DUSP16: variants seen among roughly 807,000 people sequenced by gnomAD.
DUSP16 encodes dual specificity protein phosphatase 16.
DUSP16 carries 21 observed loss-of-function variants against 58.3 expected under a neutral mutation model. That is an observed-to-expected ratio of 0.36 (90% CI 0.26 to 0.52). The LOEUF is 0.52. Ranked by LOEUF, DUSP16 falls within the 20% of genes least tolerant of loss-of-function variation. The pLI, the probability that DUSP16 is intolerant of heterozygous loss-of-function variation, is 0.94. For missense variants in DUSP16, 726 were observed against 819.0 expected, an observed-to-expected ratio of 0.89 and a Z score of 1.39; for synonymous variants, 320 against 323.8, an observed-to-expected ratio of 0.99 and a Z score of 0.12.
intron 1 of DUSP16, among the ~76,000 whole-genome samples, chr12:12,548,538 A>G (rs1332713194): frequency 6.6e-6 from 1 of 151,516 alleles, no homozygotes; most frequent in African/African-American, 2.4e-5. Context: ...AAGCTGAGGA[A>G]AGAGAATCAC....
rs1280271361 is a variant in DUSP16, at chr12:12,562,787, G to T, written c.-1036C>A. Among the ~76,000 whole-genome samples the T allele has an allele frequency of 6.6e-6, 1 of 151,420 alleles. No individual in the cohort carries two copies. Among genetic ancestry groups the T allele is most frequent in the African/African-American group, 2.4e-5 (1 of 41,322 alleles). ...GCCCATCCCGCGGCCGCCCGAGCCC[G>T]GAGCGCGGCTCCGCGCCTCGTTCCG... On this transcript the variant is annotated 5_prime_UTR_variant, in exon 1 of 7. Transcript: ENST00000298573.
chr12:12,503,816 T>G (rs1943947108), intron 3 of DUSP16, among the ~76,000 whole-genome samples: 1 of 152,164 alleles, frequency 6.6e-6, no homozygotes, highest in Non-Finnish European at 1.5e-5. Flanking sequence ...GTCTAGTAAG[T>G]TTCCCCAAAC....
intron 1 of DUSP16, among the ~76,000 whole-genome samples, chr12:12,550,940 A>G (rs1356451619): frequency 6.6e-6 from 1 of 152,116 alleles, no homozygotes; most frequent in Non-Finnish European, 1.5e-5. Context: ...AAAATAATAA[A>G]AGGTATTAAT....
At position 12,500,563 on chromosome 12, in the gene DUSP16, G is replaced by T; in HGVS notation, c.487C>A (p.Leu163Ile). The T allele has an allele frequency of 6.2e-7, 1 of 1,612,238 alleles. No homozygotes were observed. The change falls in exon 4 of 7, where the codon CTT becomes ATT. Residue 163 changes from leucine to isoleucine, a missense_variant. Leu to Ile is a conservative substitution (Grantham distance 5). Transcript: ENST00000298573. ...PVANIGPTRILPNLYLGCQRD... is the reference protein window; with the variant it reads ...PVANIGPTRIIPNLYLGCQRD... ...TGGCAGCCAAGATAAAGATTGGGAA[G>T]AATTCGGGTTGGCCCAATGTTGGCA...
chr12:12,477,926 G>A lies in DUSP16; in HGVS notation c.905C>T (p.Thr302Ile). The A allele has an allele frequency of 6.2e-7, 1 of 1,614,198 alleles. No homozygotes were observed. Among genetic ancestry groups the A allele is most frequent in the Non-Finnish European group, 8.5e-7 (1 of 1,180,038 alleles). The change falls in exon 7 of 7, where the codon ACT becomes ATT. Residue 302 changes from threonine to isoleucine, a missense_variant. Physicochemically the swap from Thr to Ile is moderately conservative, Grantham distance 89. Transcript: ENST00000298573. This position sits in a 1 kb window ranked among gnomAD's most constrained non-coding sequence, Gnocchi z 4.1. Reference protein sequence around the residue: ...LDYEKKIKNQTGASGPKSKLK... With the variant: ...LDYEKKIKNQIGASGPKSKLK... ...TTTGCTCTTTGGCCCTGATGCTCCA[G>A]TCTGGTTCTTAATCTTCTTCTCATA...
chr12:12,481,724 A>G (rs908971525), intron 5 of DUSP16, among the ~76,000 whole-genome samples: 1 of 150,576 alleles, frequency 6.6e-6, no homozygotes, highest in Admixed American at 6.6e-5. Flanking sequence ...ACAAATGAAT[A>G]CCAAGCAACA....
At chr12:12,484,170 T>C (rs1435313791) in intron 5 of DUSP16, among the ~76,000 whole-genome samples, 1 of 151,966 alleles carries the variant, frequency 6.6e-6, no homozygotes, top group South Asian at 2.1e-4. Flanking sequence ...GACTTAGCAA[T>C]TGTAGTGAAT....
Position 12,516,478 on chromosome 12 carries a change from T to C in DUSP16, c.367+3384A>G, listed in dbSNP as rs7303633. 2.8e-3 allele frequency among the ~76,000 whole-genome samples: 428 copies of C among 152,378 alleles called. 2 individuals are homozygous for C. The highest frequency in any genetic ancestry group is 9.9e-3 in the African/African-American group (410 of 41,588). ...ATTAACATGAATTCAAGGACTTGCG[T>C]ATTCCTATGAGTGGAGCTAGATTTC... On this transcript the variant is annotated intron_variant, in intron 3 of 6. Coordinates refer to ENST00000298573, the MANE Select transcript of DUSP16 (RefSeq NM_030640.3).
chr12:12,477,628 A>C lies in DUSP16; in HGVS notation c.1203T>G (p.Ser401=), dbSNP rs143980194. ...EDSNKLKRSF[S]LDIKSVSYSA... is the part of the protein sequence containing the mutation. ...AATATGAAACTGATTTGATATCCAGAGAGAAGGAACGCTTGAGCTTATTGC... is the reference window on the plus strand; with the variant it reads ...AATATGAAACTGATTTGATATCCAGCGAGAAGGAACGCTTGAGCTTATTGC... The change falls in exon 7 of 7, where the codon TCT becomes TCG. Residue 401 remains serine, a synonymous_variant. Coordinates refer to ENST00000298573, the MANE Select transcript of DUSP16 (RefSeq NM_030640.3). The surrounding 1 kb of genome is among the most constrained non-coding windows in gnomAD (Gnocchi z 4.1). 355 of 1,614,122 alleles carry C rather than the reference A, an allele frequency of 2.2e-4. No individual in the cohort carries two copies. The highest frequency in any genetic ancestry group is 2.9e-4 in the Non-Finnish European group (342 of 1,180,048).
rs75450248 is a variant in DUSP16, at chr12:12,481,853, C to T, written c.692-1507G>A. On this transcript the variant is annotated intron_variant, in intron 5 of 6. Coordinates refer to ENST00000298573, the MANE Select transcript of DUSP16 (RefSeq NM_030640.3). ...CTCAGCTATCATTTACCCCACGTTA[C>T]TCTCAGTGTTTCCTTCCCTTTCTGC... Among the ~76,000 whole-genome samples the T allele has an allele frequency of 4.6e-5, 7 of 152,228 alleles. No homozygotes were observed. In the East Asian group the frequency reaches 1.3e-3, roughly 29 times the overall value.
At chr12:12,481,488 C>T (rs139587021) in intron 5 of DUSP16, among the ~76,000 whole-genome samples, 12 of 152,244 alleles carry the variant, frequency 7.9e-5, no homozygotes, top group Admixed American at 2.0e-4. Context: ...AAAATTCTTG[C>T]GATTAACAGA....
intron 4 of DUSP16, among the ~76,000 whole-genome samples, chr12:12,499,900 A>G (rs1258994995): frequency 6.6e-6 from 1 of 151,884 alleles, no homozygotes; most frequent in Non-Finnish European, 1.5e-5. Flanking sequence ...ACTCAATCCA[A>G]TGTGTTCCTC....
At chr12:12,513,229 G>C (rs1288339720) in intron 3 of DUSP16, among the ~76,000 whole-genome samples, 1 of 152,174 alleles carries the variant, frequency 6.6e-6, no homozygotes, top group African/African-American at 2.4e-5. Flanking sequence ...CTTATTCACA[G>C]CTATACACCA....
intron 4 of DUSP16, among the ~76,000 whole-genome samples, chr12:12,497,431 G>A (rs1415371740): frequency 6.6e-6 from 1 of 152,074 alleles, no homozygotes; most frequent in Non-Finnish European, 1.5e-5. Flanking sequence ...TATAAGCATG[G>A]GACTTAAAAT....
chr12:12,545,528 C>T (rs1006581633), intron 1 of DUSP16, among the ~76,000 whole-genome samples: 6 of 151,810 alleles, frequency 4.0e-5, no homozygotes, highest in African/African-American at 1.2e-4. Flanking sequence ...GTGATCCGCC[C>T]GCCTCAGCCT....
intron 5 of DUSP16, among the ~76,000 whole-genome samples, chr12:12,482,664 T>C (rs1243652978): frequency 6.6e-6 from 1 of 152,082 alleles, no homozygotes; most frequent in Non-Finnish European, 1.5e-5. Context: ...TTTGAGAAGG[T>C]TTCAAAGGTG....
chr12:12,530,211 GA>G (rs1337143269), intron 1 of DUSP16, among the ~76,000 whole-genome samples: 2 of 152,134 alleles, frequency 1.3e-5, no homozygotes, highest in African/African-American at 4.8e-5. Flanking sequence ...ATACTACCAG[GA>G]GTGGGATACT....
intron 3 of DUSP16, among the ~76,000 whole-genome samples, chr12:12,514,521 A>G (rs1041592786): frequency 6.6e-6 from 1 of 152,186 alleles, no homozygotes; most frequent in Non-Finnish European, 1.5e-5. Flanking sequence ...CAACCCTTGA[A>G]AATGGTTCCT....
At chr12:12,510,188 C>G (rs1592183970) in intron 3 of DUSP16, among the ~76,000 whole-genome samples, 1 of 152,040 alleles carries the variant, frequency 6.6e-6, no homozygotes, top group Non-Finnish European at 1.5e-5. Context: ...AATGAGACAC[C>G]AACTATGATT....
Sources: allele counts gnomAD v4.1 joint callset (sites outside exome capture counted in the v4.1 genomes callset), GRCh38; gene constraint gnomAD v4.1.1; non-coding constraint Gnocchi (gnomAD v3.1); transcripts MANE v1.5; gene names NCBI Gene and HGNC (gene_info 2026-07-23, HGNC 2026-07-21).